The following STAB2 variants were observed in gnomAD, a reference collection of about 807,000 sequenced individuals.
The protein encoded by STAB2 is stabilin-2.
A neutral mutation model predicts 338.1 loss-of-function variants in STAB2; 288 were observed. The observed-to-expected ratio is 0.85, with a 90% CI of 0.77 to 0.94. The LOEUF (loss-of-function observed/expected upper bound fraction) is 0.94. STAB2 is among the 40% of genes least tolerant of loss of function. The pLI is 0.00. For missense variants in STAB2, 3,141 were observed against 3,210.1 expected (o/e 0.98, Z 0.52); for synonymous variants, 1,202 against 1,193.3 (o/e 1.01, Z -0.15).
intron 15 of STAB2, among the ~76,000 whole-genome samples, chr12:103,658,220 A>G (rs1329744620): frequency 6.6e-6 from 1 of 152,230 alleles, no homozygotes; most frequent in Non-Finnish European, 1.5e-5. Context: ...CTGGCACCAA[A>G]GAACTTGAGT....
At position 103,753,242 on chromosome 12, in the gene STAB2, T is replaced by TC. The variant is rs764395622; in HGVS notation, c.6604dup (p.Leu2202ProfsTer9). 1 of 1,614,214 alleles carries TC rather than the reference T, an allele frequency of 6.2e-7. No homozygotes were observed. Among genetic ancestry groups the TC allele is most frequent in the East Asian group, 2.2e-5 (1 of 44,890 alleles). On this transcript the variant is annotated frameshift_variant, in exon 61 of 69. Transcript: ENST00000388887. LOFTEE classifies it high-confidence loss of function. Reference sequence around the variant, plus strand: ...CAGATACCACTGTTGGGGTGTTCCATCTACGCTCCCCACTGGGCCAGTATA... The same window carrying TC: ...CAGATACCACTGTTGGGGTGTTCCATCCTACGCTCCCCACTGGGCCAGTATA...
intron 59 of STAB2, among the ~76,000 whole-genome samples, chr12:103,749,675 CAA>C (rs34098671): frequency 1.5e-4 from 20 of 131,704 alleles, no homozygotes; most frequent in Middle Eastern, 3.7e-3. Context: ...TAAAAAAATG[CAA>C]AAAAAAAAAA....
chr12:103,639,115 C>G (rs932367283), intron 8 of STAB2, among the ~76,000 whole-genome samples: 2 of 152,146 alleles, frequency 1.3e-5, no homozygotes, highest in African/African-American at 4.8e-5. Flanking sequence ...AAATGAGGGT[C>G]TTTATGGGAA....
At chr12:103,739,560 T>TGC in intron 54 of STAB2, 92 bp downstream of exon 54, 1 of 804,864 alleles carries the variant, frequency 1.2e-6, no homozygotes, top group Non-Finnish European at 1.8e-6. Flanking sequence ...TGTGTGTGTG[T>TGC]GTGTGTGTGT....
rs1957581100 is a variant in STAB2, at chr12:103,638,177, A to G, written c.871A>G (p.Lys291Glu). The G allele has an allele frequency of 1.9e-6, 3 of 1,614,080 alleles. No individual in the cohort carries two copies. The Admixed American group carries it at 5.0e-5, about 27-fold the overall frequency. ...CQINFGNCPT[K>E]STVCKYDGPG... is the part of the protein sequence containing the mutation. ...AATTAACTTTGGAAACTGCCCTACA[A>G]AGTCTACAGTGTGCAAATATGATGG... is the stretch of plus-strand genomic sequence containing the variant. Residue 291 changes from lysine (K) to glutamate (E), a missense_variant, in exon 8 of 69, where the codon AAG (lysine) becomes GAG (glutamate). Physicochemically the swap from Lys to Glu is moderately conservative, Grantham distance 56. Transcript: ENST00000388887.
chr12:103,656,513 C>G (rs986543890), intron 15 of STAB2, among the ~76,000 whole-genome samples: 1 of 152,128 alleles, frequency 6.6e-6, no homozygotes, highest in Non-Finnish European at 1.5e-5. Flanking sequence ...GAAATAGACA[C>G]GCTGGTAACC....
intron 3 of STAB2, among the ~76,000 whole-genome samples, chr12:103,612,380 A>G (rs901284435): frequency 6.6e-6 from 1 of 152,024 alleles, no homozygotes; most frequent in African/African-American, 2.4e-5. Context: ...GGCTTTGTTC[A>G]TTTCTTTTTA....
chr12:103,684,848 A>G (rs1418096126), intron 26 of STAB2, 141 bp from the exon 27 acceptor site: 1 of 606,604 alleles, frequency 1.6e-6, no homozygotes, highest in East Asian at 2.6e-5. Context: ...TGCAACACTA[A>G]AGGGTCTATG....
intron 15 of STAB2, 33 bp from the exon 16 acceptor site, chr12:103,660,298 C>G: frequency 6.2e-7 from 1 of 1,610,116 alleles, no homozygotes; most frequent in Non-Finnish European, 8.5e-7. Flanking sequence ...GCATTTTCTT[C>G]TTTGACTAAA....
Position 103,735,557 on chromosome 12 carries a change from A to T in STAB2, c.5527A>T (p.Lys1843Ter). ...KTLQGSELSV[K>*]CGAGRDIGDL... ...CCTGCAAGGTTCAGAGCTGAGTGTG[A>T]AATGTGGAGCTGGCAGGGACATCGT... Residue 1843 changes from lysine to a stop codon, truncating the protein, a stop_gained, in exon 52 of 69, where the codon AAA (lysine) becomes TAA (stop). Transcript: ENST00000388887. LOFTEE classifies it high-confidence loss of function. 1 of 1,611,512 alleles carries T rather than the reference A, an allele frequency of 6.2e-7. No homozygotes were observed. Among genetic ancestry groups the T allele is most frequent in the South Asian group, 1.1e-5 (1 of 90,648 alleles).
chr12:103,678,417 TTAA>T (rs1466778274), intron 25 of STAB2, among the ~76,000 whole-genome samples: 3 of 152,344 alleles, frequency 2.0e-5, no homozygotes, highest in Admixed American at 1.3e-4. Context: ...TGTGCACAAG[TTAA>T]TAATCGGAGA....
At chr12:103,645,212 T>C (rs1419588158) in intron 9 of STAB2, among the ~76,000 whole-genome samples, 1 of 152,182 alleles carries the variant, frequency 6.6e-6, no homozygotes, top group African/African-American at 2.4e-5. Context: ...TTACTCCTAA[T>C]AAAAAGAAAA....
intron 11 of STAB2, among the ~76,000 whole-genome samples, chr12:103,651,900 C>A (rs10778270): frequency 0.21 from 31,241 of 152,154 alleles, 3,542 homozygotes; most frequent in South Asian, 0.39. Context: ...ATTAACCTGT[C>A]TGATATTCAT....
At position 103,744,460 on chromosome 12, in the gene STAB2, ACTT is replaced by A. The variant is rs1314432429; in HGVS notation, c.6032-712_6032-710del. On this transcript the variant is annotated intron_variant, in intron 56 of 68. Transcript: ENST00000388887. ...ATCCACTGCACCTGGCCACAATTTT[ACTT>A]TTTTTTTTTTTTTTTTTTTTTAAGA... Among the ~76,000 whole-genome samples, 462 of 69,474 alleles carry A rather than the reference ACTT, an allele frequency of 6.6e-3. 2 individuals are homozygous for A. The highest frequency in any genetic ancestry group is 0.022 in the South Asian group (43 of 1,948). The allele number at this position is 69,474 out of a possible 152,430, so 45.6% of individuals were successfully genotyped here. A position where few individuals can be genotyped will look rare whatever the true frequency, so the allele number is the denominator to read the frequency against.
At chr12:103,716,883 A>G (rs1880359113) in intron 43 of STAB2, among the ~76,000 whole-genome samples, 1 of 152,220 alleles carries the variant, frequency 6.6e-6, no homozygotes. Flanking sequence ...TTTGAGAACA[A>G]GACGTTAGCT....
Position 103,614,075 on chromosome 12 carries a change from A to G in STAB2, c.332-6393A>G, listed in dbSNP as rs183212007. Among the ~76,000 whole-genome samples, 142 of 152,308 alleles carry G rather than the reference A, an allele frequency of 9.3e-4. 2 individuals carry two copies. Among genetic ancestry groups the G allele is most frequent in the Admixed American group, 4.1e-3 (63 of 15,302 alleles). On this transcript the variant is annotated intron_variant, in intron 3 of 68. Coordinates refer to ENST00000388887, the MANE Select transcript of STAB2 (RefSeq NM_017564.10). ...ACTATTTCTAAATCTTTGTCTACTA[A>G]TAATATCATATATGTGATCTCTGGG...
rs1452428320 is a variant in STAB2, at chr12:103,704,561, A to G, written c.3847A>G (p.Arg1283Gly). The G allele has an allele frequency of 6.2e-7, 1 of 1,613,156 alleles. No homozygotes were observed. Among genetic ancestry groups the G allele is most frequent in the African/African-American group, 1.3e-5 (1 of 74,920 alleles). Residue 1283 changes from arginine to glycine, a missense_variant, in exon 36 of 69, where the codon AGA becomes GGA. By Grantham distance (125) the Arg-to-Gly change is moderately radical (BLOSUM62 -2). Transcript: ENST00000388887. ...DNNDTTIIRG[R>G]CRTCSSELTC... ...ATTGCTTTTGTGTTTTACCAAGGGA[A>G]GATGTAGGACATGCTCCTCAGAGCT...
chr12:103,695,645 C>A lies in STAB2; in HGVS notation c.3471C>A (p.Ile1157=), dbSNP rs373225744. 3.7e-6 allele frequency: 6 copies of A among 1,614,182 alleles called. No individual in the cohort carries two copies. The highest frequency in any genetic ancestry group is 5.1e-6 in the Non-Finnish European group (6 of 1,180,026). The change falls in exon 32 of 69, where the codon ATC becomes ATA. Residue 1157 remains isoleucine (I), a synonymous_variant. Transcript: ENST00000388887. ...ACTATTCCATCTTCCGGGGCTACATCATTGCAAGTACCACATTCTCTGCCT... is the reference window on the plus strand; with the variant it reads ...ACTATTCCATCTTCCGGGGCTACATAATTGCAAGTACCACATTCTCTGCCT... The part of the protein sequence containing the change: ...MPDYSIFRGY[I]IQYNLANAIE...
At chr12:103,676,911 T>C (rs574877512) in intron 24 of STAB2, among the ~76,000 whole-genome samples, 1 of 152,344 alleles carries the variant, frequency 6.6e-6, no homozygotes, top group East Asian at 1.9e-4. Context: ...GACCCCAGCC[T>C]ACAGATTCCT....
Sources: allele counts gnomAD v4.1 joint callset (sites outside exome capture counted in the v4.1 genomes callset), GRCh38; gene constraint gnomAD v4.1.1; transcripts MANE v1.5; gene names NCBI Gene and HGNC (gene_info 2026-07-23, HGNC 2026-07-21).